AUTS2: variants seen among roughly 807,000 people sequenced by gnomAD.
AUTS2 encodes the protein autism susceptibility gene 2 protein.
Under a neutral mutation model 112.4 loss-of-function variants are expected in AUTS2, and 17 were observed. The ratio of observed to expected loss-of-function variants is 0.15; its 90% CI spans 0.10 to 0.23. The LOEUF is 0.23. Ranked by LOEUF, AUTS2 falls within the 10% of genes least tolerant of loss-of-function variation. The pLI is 1.00. For synonymous variants in AUTS2, 751 were observed against 702.7 expected (o/e 1.07, Z -1.09); for missense variants, 1,510 against 1,701.6 (o/e 0.89, Z 1.98).
At chr7:69,733,490 G>T (rs962733384) in intron 1 of AUTS2, among the ~76,000 whole-genome samples, 1 of 152,158 alleles carries the variant, frequency 6.6e-6, no homozygotes, top group East Asian at 1.9e-4. Flanking sequence ...TTTGCAGGTG[G>T]TGACCCTGGT....
chr7:70,780,907 C>T lies in AUTS2; in HGVS notation c.2005-708C>T, dbSNP rs80299673. Among the ~76,000 whole-genome samples the T allele has an allele frequency of 3.5e-4, 53 of 152,272 alleles. No individual in the cohort carries two copies. The East Asian group carries it at 0.01, about 29-fold the overall frequency. ...TTAAACAAACAATTAATTTATACAG[C>T]AGATTGTTCATGCAGAATTCCTAAT... is the stretch of plus-strand genomic sequence containing the variant. On this transcript the variant is annotated intron_variant, in intron 14 of 18. Coordinates refer to ENST00000342771, the MANE Select transcript of AUTS2 (RefSeq NM_015570.4).
intron 1 of AUTS2, among the ~76,000 whole-genome samples, chr7:69,733,961 A>T (rs913175919): frequency 2.0e-5 from 3 of 152,190 alleles, no homozygotes; most frequent in Non-Finnish European, 4.4e-5. Context: ...AATGAGACTT[A>T]TTCAACCTCT....
chr7:70,693,285 G>A (rs1179069794), intron 5 of AUTS2, among the ~76,000 whole-genome samples: 6 of 152,186 alleles, frequency 3.9e-5, no homozygotes, highest in Admixed American at 3.3e-4. Flanking sequence ...GTGCTCTAGG[G>A]GATACAGACA....
intron 2 of AUTS2, among the ~76,000 whole-genome samples, chr7:69,934,372 A>G (rs1796332187): frequency 6.6e-6 from 1 of 152,196 alleles, no homozygotes; most frequent in African/African-American, 2.4e-5. Context: ...CAAAGACTGT[A>G]TTTCTAGTTG....
At chr7:70,004,182 TTA>T (rs1799405827) in intron 2 of AUTS2, among the ~76,000 whole-genome samples, 1 of 134,296 alleles carries the variant, frequency 7.4e-6, no homozygotes, top group Non-Finnish European at 1.5e-5. Flanking sequence ...TATGAATGTG[TTA>T]TATGTGAATA....
At chr7:70,111,990 A>G (rs1255068132) in intron 2 of AUTS2, among the ~76,000 whole-genome samples, 2 of 151,908 alleles carry the variant, frequency 1.3e-5, no homozygotes, top group African/African-American at 4.8e-5. Flanking sequence ...TCTCATTTTT[A>G]GAATTCTCTT....
At chr7:70,140,768 G>GA in intron 4 of AUTS2, among the ~76,000 whole-genome samples, 1 of 152,184 alleles carries the variant, frequency 6.6e-6, no homozygotes, top group Admixed American at 6.5e-5. Context: ...AAATATTTTT[G>GA]AAAATCTAAA....
rs531448615 is a variant in AUTS2 at position 69,765,441 on chromosome 7, T to G, written c.310-133845T>G. Among the ~76,000 whole-genome samples the G allele has an allele frequency of 3.3e-5, 5 of 152,222 alleles. No homozygotes were observed. In the East Asian group the frequency reaches 7.8e-4, roughly 24 times the overall value. ...TCTCATTTGTTTTGGATTACATGTA[T>G]GCAATCCAAAAGAGTTAGGTTTTTT... On this transcript the variant is annotated intron_variant, in intron 1 of 18. Transcript: ENST00000342771.
chr7:69,957,036 T>C (rs1392807395), intron 2 of AUTS2, among the ~76,000 whole-genome samples: 1 of 151,444 alleles, frequency 6.6e-6, no homozygotes, highest in African/African-American at 2.4e-5. Context: ...CTAAGTTTTT[T>C]CTTTTTGTTC....
intron 5 of AUTS2, among the ~76,000 whole-genome samples, chr7:70,583,639 A>C (rs1022087026): frequency 2.0e-5 from 3 of 152,208 alleles, no homozygotes; most frequent in African/African-American, 7.2e-5. Context: ...GGAGTGGTGG[A>C]CAGTGAGTGA....
At chr7:70,316,619 G>C (rs1356286192) in intron 4 of AUTS2, among the ~76,000 whole-genome samples, 1 of 151,826 alleles carries the variant, frequency 6.6e-6, no homozygotes, top group Non-Finnish European at 1.5e-5. Context: ...GGCTGGTCTC[G>C]AACTCCTGGC....
At chr7:70,749,447 G>A (rs1487430113) in intron 6 of AUTS2, among the ~76,000 whole-genome samples, 1 of 152,184 alleles carries the variant, frequency 6.6e-6, no homozygotes, top group Admixed American at 6.5e-5. Context: ...GAATAGTGAG[G>A]CTGTAGCATA....
chr7:70,748,125 G>A (rs1788586552), intron 6 of AUTS2, among the ~76,000 whole-genome samples: 1 of 151,948 alleles, frequency 6.6e-6, no homozygotes, highest in African/African-American at 2.4e-5. Context: ...ACCGCGCCTG[G>A]CCCAGAGAGC....
At chr7:70,432,122 A>G (rs1163457405) in intron 4 of AUTS2, among the ~76,000 whole-genome samples, 1 of 152,218 alleles carries the variant, frequency 6.6e-6, no homozygotes, top group Non-Finnish European at 1.5e-5. Context: ...CATGGAGAGT[A>G]CTTCGTCACC....
chr7:69,789,457 C>T (rs1267641363), intron 1 of AUTS2, among the ~76,000 whole-genome samples: 1 of 152,046 alleles, frequency 6.6e-6, no homozygotes, highest in African/African-American at 2.4e-5. Flanking sequence ...GCTGATATTC[C>T]CTGTTATTAA....
At chr7:70,207,888 G>C (rs1810649215) in intron 4 of AUTS2, among the ~76,000 whole-genome samples, 1 of 151,798 alleles carries the variant, frequency 6.6e-6, no homozygotes, top group Non-Finnish European at 1.5e-5. Flanking sequence ...GTGCATGCCT[G>C]TAATCCCAGA....
intron 2 of AUTS2, among the ~76,000 whole-genome samples, chr7:70,112,508 T>C (rs1805138244): frequency 6.6e-6 from 1 of 152,024 alleles, no homozygotes. Context: ...TGTTTTGTTT[T>C]CTTGTTCCTT....
At chr7:70,080,443 G>A (rs1455626510) in intron 2 of AUTS2, among the ~76,000 whole-genome samples, 1 of 152,170 alleles carries the variant, frequency 6.6e-6, no homozygotes, top group Non-Finnish European at 1.5e-5. Context: ...GTTGGCTGTA[G>A]ATATAAGAAT....
intron 2 of AUTS2, among the ~76,000 whole-genome samples, chr7:69,996,464 C>A (rs1275131470): frequency 2.0e-5 from 3 of 152,146 alleles, no homozygotes; most frequent in Non-Finnish European, 4.4e-5. Flanking sequence ...GTGTAGAAAG[C>A]CTGGACTATA....
Sources: allele counts gnomAD v4.1 joint callset (sites outside exome capture counted in the v4.1 genomes callset), GRCh38; gene constraint gnomAD v4.1.1; transcripts MANE v1.5; gene names NCBI Gene and HGNC (gene_info 2026-07-23, HGNC 2026-07-21).